SLC18A1: variants seen among roughly 807,000 people sequenced by gnomAD.
SLC18A1 encodes solute carrier family 18 member A1.
In SLC18A1, 69 loss-of-function variants were observed where a neutral mutation model predicts 53.7. The observed-to-expected ratio is 1.28, with a 90% CI of 1.06 to 1.57. The LOEUF is 1.57. Ranked by LOEUF, SLC18A1 falls within the 40% of genes most tolerant of loss-of-function variation. The probability of loss-of-function intolerance (pLI) is 0.00; values close to 1 mark genes in which losing one functional copy is unlikely to be tolerated. For synonymous variants in SLC18A1, 320 were observed against 248.1 expected (o/e 1.29, Z -2.72); for missense variants, 932 against 668.1 (o/e 1.40, Z -4.35).
chr8:20,166,053 T>A (rs1049977164), intron 8 of SLC18A1, among the ~76,000 whole-genome samples: 2 of 152,070 alleles, frequency 1.3e-5, no homozygotes, highest in Non-Finnish European at 2.9e-5. Flanking sequence ...AAGAAACTGA[T>A]GTAAATCATT....
At position 20,149,779 on chromosome 8, in the gene SLC18A1, C is replaced by T; in HGVS notation, c.1095-52G>A. ...ACCACTAGGGGAGAGCTCCCCTCCA[C>T]CTGTACCCCATCACCGCCATGCTGA... On this transcript the variant is annotated intron_variant, in intron 11 of 15. Transcript: ENST00000276373. The T allele has an allele frequency of 3.9e-6, 6 of 1,537,554 alleles. No individual in the cohort carries two copies. The East Asian group carries it at 9.0e-5, about 23-fold the overall frequency.
chr8:20,168,801 C>T (rs1393512302), intron 8 of SLC18A1, among the ~76,000 whole-genome samples: 8 of 152,114 alleles, frequency 5.3e-5, no homozygotes, highest in Non-Finnish European at 8.8e-5. Context: ...AACTCCTGGT[C>T]TCAAGTGATC....
chr8:20,145,454 T>C lies in SLC18A1; in HGVS notation c.*309A>G, dbSNP rs1585183261. On this transcript the variant is annotated 3_prime_UTR_variant, in exon 16 of 16. Coordinates refer to ENST00000276373, the MANE Select transcript of SLC18A1 (RefSeq NM_003053.4). ...GGGGCACATTACTCACTACCACCTCTATGCAATGAGTCACCCCTTGCAGAA... is the reference window on the plus strand; with the variant it reads ...GGGGCACATTACTCACTACCACCTCCATGCAATGAGTCACCCCTTGCAGAA... The C allele has an allele frequency of 4.6e-6, 1 of 217,382 alleles. No homozygotes were observed. 13.5% of individuals were successfully genotyped at this position (217,382 alleles called of 1,614,324 possible). A position where few individuals can be genotyped will look rare whatever the true frequency, so the allele number is the denominator to read the frequency against.
Position 20,165,067 on chromosome 8 carries a change from G to C in SLC18A1, c.899C>G (p.Pro300Arg). 1.2e-6 allele frequency: 2 copies of C among 1,614,200 alleles called. No homozygotes were observed. Among genetic ancestry groups the C allele is most frequent in the Non-Finnish European group, 1.7e-6 (2 of 1,180,042 alleles). ...CTTACCTGCAGCCACCAGGATGTAA[G>C]GGTCTTTGAGAAGCATAAAGAGGGG... ...GTPLFMLLKD[P>R]YILVAAGSIC... Residue 300 changes from proline to arginine, a missense_variant, in exon 9 of 16, where the codon CCT becomes CGT. Physicochemically the swap from Pro to Arg is moderately radical, Grantham distance 103 (BLOSUM62 -2). Coordinates refer to ENST00000276373, the MANE Select transcript of SLC18A1 (RefSeq NM_003053.4).
chr8:20,157,791 G>A (rs145180218), intron 10 of SLC18A1, among the ~76,000 whole-genome samples: 4,272 of 152,232 alleles, frequency 0.028, 92 homozygotes, highest in South Asian at 0.062. Context: ...GGAGGAGCAG[G>A]TGGAATGGGA....
chr8:20,179,032 T>A, intron 3 of SLC18A1, 89 bp downstream of exon 3: 1 of 1,467,458 alleles, frequency 6.8e-7, no homozygotes, highest in South Asian at 1.4e-5. Context: ...AGTGAGTATT[T>A]CTTCTTTTTC....
At chr8:20,150,826 C>T in intron 10 of SLC18A1, 82 bp from the exon 11 acceptor site, 1 of 1,260,828 alleles carries the variant, frequency 7.9e-7, no homozygotes, top group Non-Finnish European at 1.2e-6. Flanking sequence ...CACTGAAGTC[C>T]ACCCCTGTAA....
At chr8:20,162,711 G>C (rs748016863) in intron 10 of SLC18A1, among the ~76,000 whole-genome samples, 17 of 152,156 alleles carry the variant, frequency 1.1e-4, no homozygotes, top group African/African-American at 4.1e-4. Flanking sequence ...CTGAGACCTC[G>C]TCAGAATGAC....
intron 2 of SLC18A1, 126 bp from the exon 3 acceptor site, chr8:20,179,610 G>A (rs537399516): frequency 4.8e-5 from 61 of 1,263,948 alleles, no homozygotes; most frequent in Non-Finnish European, 6.4e-5. Context: ...TGGGGGCTAA[G>A]GACAGATGTC....
intron 10 of SLC18A1, among the ~76,000 whole-genome samples, chr8:20,158,373 C>T (rs185058739): frequency 6.6e-6 from 1 of 152,284 alleles, no homozygotes; most frequent in Admixed American, 6.5e-5. Flanking sequence ...TAAGGAGAGA[C>T]ATTCTCGCAA....
At chr8:20,165,317 G>A (rs1317611064) in intron 8 of SLC18A1, among the ~76,000 whole-genome samples, 1 of 152,136 alleles carries the variant, frequency 6.6e-6, no homozygotes, top group Admixed American at 6.5e-5. Context: ...TGTGTGAAAG[G>A]TAGGCACTGT....
intron 8 of SLC18A1, among the ~76,000 whole-genome samples, chr8:20,166,289 C>CCATATA (rs2071957657): frequency 9.3e-6 from 1 of 107,256 alleles, no homozygotes; most frequent in South Asian, 3.1e-4. Context: ...GTGTGTGTGT[C>CCATATA]TATATATATA....
chr8:20,170,823 T>A (rs2072094675), intron 8 of SLC18A1, among the ~76,000 whole-genome samples: 1 of 132,362 alleles, frequency 7.6e-6, no homozygotes, highest in Non-Finnish European at 1.7e-5. Context: ...ATACCCCATA[T>A]ATGTGTCGAA....
chr8:20,150,558 A>G, intron 11 of SLC18A1, 108 bp downstream of exon 11: 1 of 973,292 alleles, frequency 1.0e-6, no homozygotes, highest in Non-Finnish European at 1.7e-6. Flanking sequence ...GTGTGTACTC[A>G]TCCTAAACTT....
chr8:20,151,678 C>T lies in SLC18A1; in HGVS notation c.1016-934G>A, dbSNP rs61160545. The stretch of plus-strand genomic sequence containing the variant: ...TTTTGTGACAGTAGAGGGAAGTGTT[C>T]AGGAAACATGGGCTTTGGAGCCACA... On this transcript the variant is annotated intron_variant, in intron 10 of 15. Coordinates refer to ENST00000276373, the MANE Select transcript of SLC18A1 (RefSeq NM_003053.4). Among the ~76,000 whole-genome samples the T allele has an allele frequency of 3.6e-3, 544 of 152,244 alleles. 4 individuals carry two copies. Among genetic ancestry groups the T allele is most frequent in the African/African-American group, 0.013 (525 of 41,544 alleles).
At chr8:20,175,615 A>G (rs1173813549) in intron 4 of SLC18A1, 1 of 152,142 alleles carries the variant, frequency 6.6e-6, no homozygotes, top group African/African-American at 2.4e-5. Flanking sequence ...CCGCAACACA[A>G]AACTAAATCA....
At chr8:20,174,306 A>T (rs1314418761) in intron 5 of SLC18A1, 55 bp downstream of exon 5, 1 of 1,163,404 alleles carries the variant, frequency 8.6e-7, no homozygotes, top group African/African-American at 1.5e-5. Flanking sequence ...GTAGTAAGAG[A>T]TGTGTGTGTG....
intron 8 of SLC18A1, among the ~76,000 whole-genome samples, chr8:20,168,558 G>C (rs987631975): frequency 6.6e-6 from 1 of 151,880 alleles, no homozygotes; most frequent in African/African-American, 2.4e-5. Context: ...AGTAAGAAAG[G>C]AATGGCTATT....
rs775070173 is a variant in SLC18A1, at chr8:20,174,342, G to C, written c.631+19C>G. ...TGCATGCCTGCATGTGTGTGTGCAT[G>C]ATGAGTTGCCAGTGTTACCTGCAAC... On this transcript the variant is annotated intron_variant, in intron 5 of 15. Transcript: ENST00000276373. 31 of 1,568,654 alleles carry C rather than the reference G, an allele frequency of 2.0e-5. No homozygotes were observed. Among genetic ancestry groups the C allele is most frequent in the Non-Finnish European group, 2.7e-5 (31 of 1,138,764 alleles).
Sources: allele counts gnomAD v4.1 joint callset (sites outside exome capture counted in the v4.1 genomes callset), GRCh38; gene constraint gnomAD v4.1.1; transcripts MANE v1.5; gene names NCBI Gene and HGNC (gene_info 2026-07-23, HGNC 2026-07-21).